The following INSL6 variants were observed in gnomAD, a reference collection of about 807,000 sequenced individuals.
INSL6 encodes the protein insulin-like peptide INSL6.
In INSL6, 16 loss-of-function variants were observed where a neutral mutation model predicts 9.4. The ratio of observed to expected loss-of-function variants is 1.70; its 90% CI spans 1.15 to 2.59. INSL6 has a LOEUF of 2.59. Ranked by LOEUF, INSL6 falls within the 30% of genes most tolerant of loss-of-function variation. The probability of loss-of-function intolerance (pLI) is 0.00; values close to 1 mark genes in which losing one functional copy is unlikely to be tolerated. For synonymous variants in INSL6, 154 were observed against 96.9 expected (o/e 1.59, Z -3.46); for missense variants, 391 against 257.3 (o/e 1.52, Z -3.56).
At chr9:5,005,648 T>A in the INSL6 span, among the ~76,000 whole-genome samples, 5 of 152,230 alleles carry the variant, frequency 3.3e-5, no homozygotes, top group Non-Finnish European at 5.9e-5. Context: ...CTTACATATT[T>A]TGGTATCATG....
chr9:5,167,712 G>C (rs2094619), intron 1 of INSL6, among the ~76,000 whole-genome samples: 55,662 of 152,026 alleles, frequency 0.37, 11,331 homozygotes, highest in African/African-American at 0.56. Context: ...GGAGATTTCT[G>C]CCAGCACAAC....
chr9:5,081,918 A>G, the INSL6 span: 1 of 1,409,636 alleles, frequency 7.1e-7, no homozygotes, highest in Non-Finnish European at 9.9e-7. Flanking sequence ...GGAAAAACTT[A>G]AGAGCGTTTC....
downstream of INSL6, among the ~76,000 whole-genome samples, chr9:5,123,639 T>C (rs189691403): frequency 6.6e-6 from 1 of 152,110 alleles, no homozygotes. Flanking sequence ...TTTGATACAG[T>C]GATTTCTTGT....
intron 2 of INSL6, among the ~76,000 whole-genome samples, chr9:5,143,451 CTA>C (rs1426284235): frequency 6.6e-6 from 1 of 151,888 alleles, no homozygotes; most frequent in Non-Finnish European, 1.5e-5. Context: ...TCCATTTCTT[CTA>C]TGTTTTCCAG....
At chr9:5,128,281 T>TATTA in intron 3 of INSL6, 1 of 227,970 alleles carries the variant, frequency 4.4e-6, no homozygotes. Context: ...TTACATTCAT[T>TATTA]ATTATACTTA....
intron 2 of INSL6, among the ~76,000 whole-genome samples, chr9:5,138,738 AAT>A (rs1554688840): frequency 6.4e-4 from 96 of 150,292 alleles, no homozygotes; most frequent in Middle Eastern, 3.4e-3. Context: ...AATAAAAAAA[AAT>A]AATAAAAGTA....
At chr9:5,104,755 T>C in the INSL6 span, among the ~76,000 whole-genome samples, 4 of 152,170 alleles carry the variant, frequency 2.6e-5, no homozygotes, top group Non-Finnish European at 5.9e-5. Context: ...TGGTTCAACA[T>C]TTGCAAATCA....
At position 5,182,767 on chromosome 9, in the gene INSL6, G is replaced by T. The variant is rs928617108; in HGVS notation, c.289+2547C>A. On this transcript the variant is annotated intron_variant, in intron 1 of 1. Coordinates refer to ENST00000381641, the MANE Select transcript of INSL6 (RefSeq NM_007179.3). ...TTTTGAAACATTAATGATTTCACCT[G>T]GCACTAATATCTCGGAAGCACAATA... Among the ~76,000 whole-genome samples, 82 of 152,188 alleles carry T rather than the reference G, an allele frequency of 5.4e-4. 1 individual carries two copies. The highest frequency in any genetic ancestry group is 1.9e-3 in the African/African-American group (80 of 41,528).
the INSL6 span, among the ~76,000 whole-genome samples, chr9:4,993,816 G>A: frequency 1.3e-5 from 2 of 152,238 alleles, no homozygotes; most frequent in Non-Finnish European, 2.9e-5. Flanking sequence ...CCTGGCTGGG[G>A]CCACTGTTTG....
At chr9:5,050,548 G>A in the INSL6 span, 1 of 798,028 alleles carries the variant, frequency 1.3e-6, no homozygotes. Flanking sequence ...TGGGATTACA[G>A]GCATGAGCCA....
At chr9:5,181,110 C>G (rs147115288) in intron 1 of INSL6, among the ~76,000 whole-genome samples, 1 of 152,068 alleles carries the variant, frequency 6.6e-6, no homozygotes, top group Admixed American at 6.5e-5. Context: ...ATATTGGGGG[C>G]GGGTTCCCCT....
the INSL6 span, chr9:5,108,365 T>G: frequency 6.6e-6 from 1 of 152,148 alleles, no homozygotes; most frequent in Non-Finnish European, 1.5e-5. Flanking sequence ...CAAGCTCATA[T>G]TTCCTATTGT....
chr9:5,085,838 T>A, the INSL6 span: 1 of 763,302 alleles, frequency 1.3e-6, no homozygotes, highest in Admixed American at 1.7e-5. Context: ...CTTTTCCTTT[T>A]ACATCAAAGT....
At chr9:5,005,128 T>G in the INSL6 span, among the ~76,000 whole-genome samples, 1 of 110,450 alleles carries the variant, frequency 9.1e-6, no homozygotes, top group Non-Finnish European at 1.8e-5. Context: ...TTTTTTTTTT[T>G]TTTTAGGTAC....
the INSL6 span, among the ~76,000 whole-genome samples, chr9:5,051,691 A>G: frequency 6.6e-6 from 1 of 152,190 alleles, no homozygotes; most frequent in Non-Finnish European, 1.5e-5. Context: ...TATATATTAC[A>G]TACTTCCCAG....
At chr9:5,004,137 G>C in the INSL6 span, among the ~76,000 whole-genome samples, 1 of 152,004 alleles carries the variant, frequency 6.6e-6, no homozygotes, top group Non-Finnish European at 1.5e-5. Flanking sequence ...ATCTTTTGTG[G>C]TGAGAACACT....
intron 1 of INSL6, among the ~76,000 whole-genome samples, chr9:5,172,842 T>C (rs893022026): frequency 6.6e-6 from 1 of 151,754 alleles, no homozygotes; most frequent in Non-Finnish European, 1.5e-5. Flanking sequence ...GCAGGAGAAT[T>C]GCTTGAACCC....
downstream of INSL6, among the ~76,000 whole-genome samples, chr9:5,162,186 G>A (rs1459503002): frequency 1.3e-5 from 2 of 151,912 alleles, no homozygotes; most frequent in Non-Finnish European, 2.9e-5. Flanking sequence ...AACTTAACAT[G>A]GAGCCTCAAT....
At chr9:5,045,983 C>T in the INSL6 span, among the ~76,000 whole-genome samples, 1 of 152,040 alleles carries the variant, frequency 6.6e-6, no homozygotes, top group African/African-American at 2.4e-5. Context: ...GTAGTGGCTG[C>T]ACTATTTTTC....
Sources: allele counts gnomAD v4.1 joint callset (sites outside exome capture counted in the v4.1 genomes callset), GRCh38; gene constraint gnomAD v4.1.1; transcripts MANE v1.5; gene names NCBI Gene and HGNC (gene_info 2026-07-23, HGNC 2026-07-21).